Variants in TIAM1 observed in about 807,000 individuals in gnomAD.
TIAM1 encodes the protein rho guanine nucleotide exchange factor TIAM1.
In TIAM1, 65 loss-of-function variants were observed where a neutral mutation model predicts 163.5. That is an observed-to-expected ratio of 0.40 (90% CI 0.33 to 0.49). TIAM1 has a LOEUF of 0.49. Among genes scored for constraint, TIAM1 ranks in the 20% least tolerant of loss-of-function variants. TIAM1 has a pLI of 0.77. For missense variants in TIAM1, 1,789 were observed against 2,044.7 expected, an observed-to-expected ratio of 0.87 and a Z score of 2.41; for synonymous variants, 833 against 810.1, an observed-to-expected ratio of 1.03 and a Z score of -0.48.
intron 2 of TIAM1, among the ~76,000 whole-genome samples, chr21:31,440,830 G>A (rs1225567629): frequency 6.6e-6 from 1 of 152,150 alleles, no homozygotes; most frequent in Admixed American, 6.6e-5. Flanking sequence ...GCAGTGAGCA[G>A]AGATCATGCC....
intron 4 of TIAM1, among the ~76,000 whole-genome samples, chr21:31,257,444 G>A (rs1259286378): frequency 6.6e-6 from 1 of 152,146 alleles, no homozygotes; most frequent in Non-Finnish European, 1.5e-5. Flanking sequence ...TAAGTTAAAT[G>A]AATCATTGCC....
intron 15 of TIAM1, among the ~76,000 whole-genome samples, chr21:31,170,283 G>A (rs1197610934): frequency 1.3e-5 from 2 of 152,194 alleles, no homozygotes; most frequent in Non-Finnish European, 2.9e-5. Flanking sequence ...TACAGAAGAT[G>A]TAAAAATCAG....
At chr21:31,273,586 T>G (rs1052330996) in intron 3 of TIAM1, among the ~76,000 whole-genome samples, 1 of 152,206 alleles carries the variant, frequency 6.6e-6, no homozygotes, top group African/African-American at 2.4e-5. Flanking sequence ...ACTTACAATC[T>G]GAACCAAGTC....
intron 2 of TIAM1, among the ~76,000 whole-genome samples, chr21:31,312,639 T>A (rs1483168378): frequency 1.3e-5 from 2 of 152,154 alleles, no homozygotes; most frequent in Non-Finnish European, 2.9e-5. Flanking sequence ...TTTCACTGAA[T>A]CCATCCATAA....
chr21:31,141,473 C>G lies in TIAM1; in HGVS notation c.3507G>C (p.Leu1169Phe). Residue 1169 changes from leucine to phenylalanine, a missense_variant, in exon 21 of 28, where the codon TTG becomes TTC. Physicochemically the swap from Leu to Phe is conservative, Grantham distance 22. This residue lies in a region of TIAM1 where 60 missense variants were observed against 132.6 expected (regional missense o/e 0.45). Transcript: ENST00000541036. The surrounding 1 kb of genome is among the most constrained non-coding windows in gnomAD (Gnocchi z 4.7). ...GCTGCTGCTTCGGGTTCTGGGCATC[C>G]AAGAATGCCTTGAAAGCCGTGTCTG... ...AKTDTAFKAFLDAQNPKQQHS... is the reference protein window; with the variant it reads ...AKTDTAFKAFFDAQNPKQQHS... 1.9e-6 allele frequency: 3 copies of G among 1,614,128 alleles called. No individual in the cohort carries two copies. Among genetic ancestry groups the G allele is most frequent in the Non-Finnish European group, 2.5e-6 (3 of 1,180,004 alleles).
intron 2 of TIAM1, among the ~76,000 whole-genome samples, chr21:31,302,431 A>C (rs1170033762): frequency 2.0e-5 from 3 of 152,236 alleles, no homozygotes; most frequent in Non-Finnish European, 4.4e-5. Flanking sequence ...TGCTGTATTA[A>C]TGAATGCTGT....
rs1204700003 is a variant in TIAM1, at chr21:31,119,366, A to G, written c.*1002T>C. ...ATGATCACCATGGCAACCCCATGAG[A>G]AGGAGGCTCCCCTCCCTGCCATGTG... On this transcript the variant is annotated 3_prime_UTR_variant, in exon 28 of 28. Coordinates refer to ENST00000541036, the MANE Select transcript of TIAM1 (RefSeq NM_001353694.2). The G allele has an allele frequency of 4.6e-5, 7 of 152,566 alleles. No homozygotes were observed. The East Asian group carries it at 7.7e-4, about 17-fold the overall frequency. 9.5% of individuals were successfully genotyped at this position (152,566 alleles called of 1,614,324 possible). A position where few individuals can be genotyped will look rare whatever the true frequency, so the allele number is the denominator to read the frequency against.
At chr21:31,336,155 C>T (rs905986442) in intron 2 of TIAM1, among the ~76,000 whole-genome samples, 2 of 152,048 alleles carry the variant, frequency 1.3e-5, no homozygotes, top group Non-Finnish European at 2.9e-5. Flanking sequence ...CACTGGGGAG[C>T]GTTCGGCCGG....
intron 5 of TIAM1, among the ~76,000 whole-genome samples, chr21:31,249,531 G>A (rs79027342): frequency 0.015 from 2,248 of 152,202 alleles, 67 homozygotes; most frequent in African/African-American, 0.051. Context: ...GGTGATCTTC[G>A]GATCAAGCTA....
At chr21:31,486,473 C>T (rs2046276650) in intron 1 of TIAM1, among the ~76,000 whole-genome samples, 2 of 152,278 alleles carry the variant, frequency 1.3e-5, no homozygotes, top group Non-Finnish European at 2.9e-5. Flanking sequence ...GCACCTCCAC[C>T]AGCCTGTCCC....
intron 15 of TIAM1, 86 bp downstream of exon 15, chr21:31,182,335 C>G (rs972595380): frequency 4.2e-6 from 5 of 1,203,256 alleles, no homozygotes; most frequent in Non-Finnish European, 5.6e-6. Flanking sequence ...GAGGCACTCA[C>G]TGAAACACAC....
chr21:31,128,817 A>AACT (rs2082305014), intron 25 of TIAM1, among the ~76,000 whole-genome samples: 1 of 152,208 alleles, frequency 6.6e-6, no homozygotes, highest in Non-Finnish European at 1.5e-5. Flanking sequence ...AAGGCAGAAA[A>AACT]ACTGTGAAGG....
intron 1 of TIAM1, among the ~76,000 whole-genome samples, chr21:31,556,250 T>C (rs994133667): frequency 2.0e-5 from 3 of 152,222 alleles, no homozygotes; most frequent in East Asian, 3.9e-4. Flanking sequence ...TATTTATTAA[T>C]TGACATCTAG....
chr21:31,527,991 G>A (rs2047842203), intron 1 of TIAM1, among the ~76,000 whole-genome samples: 1 of 152,168 alleles, frequency 6.6e-6, no homozygotes, highest in South Asian at 2.1e-4. Flanking sequence ...GTTGATACAA[G>A]TGTTACAGTG....
intron 2 of TIAM1, among the ~76,000 whole-genome samples, chr21:31,408,288 G>A (rs1460593149): frequency 2.6e-5 from 4 of 152,188 alleles, no homozygotes; most frequent in African/African-American, 9.7e-5. Context: ...ACAAAGAGAA[G>A]AAATGAGAGT....
chr21:31,442,410 G>C (rs771462364), intron 2 of TIAM1, among the ~76,000 whole-genome samples: 8 of 151,630 alleles, frequency 5.3e-5, no homozygotes, highest in Non-Finnish European at 1.2e-4. Flanking sequence ...TTTTTGGATT[G>C]TTAGTGGAGA....
At chr21:31,210,453 C>G (rs141844632) in intron 10 of TIAM1, among the ~76,000 whole-genome samples, 2 of 148,196 alleles carry the variant, frequency 1.3e-5, no homozygotes, top group Non-Finnish European at 3.0e-5. Flanking sequence ...CCCACAGCAT[C>G]CATAGGTGAT....
chr21:31,451,709 ATGTGTGTGCGTGTG>A (rs1257346481), intron 2 of TIAM1, among the ~76,000 whole-genome samples: 20 of 41,590 alleles, frequency 4.8e-4, no homozygotes, highest in Non-Finnish European at 1.1e-3. Context: ...GAGTGAAAGC[ATGTGTGTGCGTGTG>A]TGTGTGTGTG....
chr21:31,517,217 G>A (rs1028283841), intron 1 of TIAM1, among the ~76,000 whole-genome samples: 3 of 151,914 alleles, frequency 2.0e-5, no homozygotes, highest in Non-Finnish European at 2.9e-5. Context: ...TCCATCACAC[G>A]ATCTCAGGAG....
Sources: allele counts gnomAD v4.1 joint callset (sites outside exome capture counted in the v4.1 genomes callset), GRCh38; gene constraint gnomAD v4.1.1; regional missense constraint gnomAD v4.1.1; non-coding constraint Gnocchi (gnomAD v3.1); transcripts MANE v1.5; gene names NCBI Gene and HGNC (gene_info 2026-07-23, HGNC 2026-07-21).